The following SPG11 variants were observed in gnomAD, a reference collection of about 807,000 sequenced individuals.
SPG11 encodes spatacsin.
In SPG11, 222 loss-of-function variants were observed where a neutral mutation model predicts 274.0. The observed-to-expected ratio is 0.81, with a 90% CI of 0.73 to 0.91. SPG11 has a LOEUF of 0.91. SPG11 is among the 40% of genes least tolerant of loss of function. The pLI is 0.00. For synonymous variants in SPG11, 1,144 were observed against 1,039.7 expected, an observed-to-expected ratio of 1.10 and a Z score of -1.93; for missense variants, 3,114 against 2,872.7, an observed-to-expected ratio of 1.08 and a Z score of -1.92.
rs779544691 is a variant in SPG11, at chr15:44,584,236, T to C, written c.5444A>G (p.Gln1815Arg). The change falls in exon 30 of 40, where the codon CAG becomes CGG. Residue 1815 changes from glutamine to arginine, a missense_variant. Transcript: ENST00000261866. The stretch of plus-strand genomic sequence containing the variant: ...AGAAAATCTGGGCTCTGTTTCCTCC[T>C]GATTTCTTCCAAGAGTGTGCTGGGT... ...RITQHTLGRNQEETEPRFSRQ... is the reference protein window; with the variant it reads ...RITQHTLGRNREETEPRFSRQ... The C allele has an allele frequency of 1.2e-6, 2 of 1,614,244 alleles. No individual in the cohort carries two copies. Among genetic ancestry groups the C allele is most frequent in the African/African-American group, 1.3e-5 (1 of 75,068 alleles).
rs2083974551 is a variant in SPG11 at position 44,628,780 on chromosome 15, G to C, written c.1956C>G (p.Thr652=). The C allele has an allele frequency of 6.2e-7, 1 of 1,613,640 alleles. No homozygotes were observed. The highest frequency in any genetic ancestry group is 8.5e-7 in the Non-Finnish European group (1 of 1,179,890). Residue 652 remains threonine (T), a synonymous_variant, in exon 10 of 40, where the codon ACC becomes ACG. Transcript: ENST00000261866. ...ILTSYINELR[T]FMIKFPWKLT... Reference sequence around the variant, plus strand: ...GCTTCCAAGGAAACTTTATCATGAAGGTTCGAAGTTCATTAATGTAGCTAG... The same window carrying C: ...GCTTCCAAGGAAACTTTATCATGAACGTTCGAAGTTCATTAATGTAGCTAG...
intron 21 of SPG11, among the ~76,000 whole-genome samples, chr15:44,599,174 T>C (rs757841396): frequency 9.9e-5 from 15 of 152,138 alleles, no homozygotes; most frequent in Non-Finnish European, 1.9e-4. Flanking sequence ...GTATACAAAC[T>C]ACGAAGAATA....
intron 7 of SPG11, 42 bp downstream of exon 7, chr15:44,648,823 AC>A (rs750038487): frequency 1.0e-5 from 16 of 1,599,980 alleles, no homozygotes; most frequent in Non-Finnish European, 1.3e-5. Flanking sequence ...AGTATATAAC[AC>A]AAAATAATTA....
rs1306125865 is a variant in SPG11 at position 44,633,515 on chromosome 15, T to C, written c.1725A>G (p.Leu575=). Residue 575 remains leucine (L), a synonymous_variant, in exon 8 of 40, where the codon TTA becomes TTG. Coordinates refer to ENST00000261866, the MANE Select transcript of SPG11 (RefSeq NM_025137.4). ...CTTTATTCCACTTACTTCTTAAATA[T>C]AAATGGGATGACAAGTGATCAAACT... ...SDQFDHLSSH[L]YLRNVEELIP... The C allele has an allele frequency of 6.3e-7, 1 of 1,596,150 alleles. No homozygotes were observed. The highest frequency in any genetic ancestry group is 8.6e-7 in the Non-Finnish European group (1 of 1,166,780).
chr15:44,611,222 A>T (rs2083454168), intron 17 of SPG11, among the ~76,000 whole-genome samples: 1 of 152,264 alleles, frequency 6.6e-6, no homozygotes, highest in South Asian at 2.1e-4. Context: ...TTAAAAGGTA[A>T]CAATGAACTG....
At position 44,628,805 on chromosome 15, in the gene SPG11, G is replaced by A; in HGVS notation, c.1931C>T (p.Thr644Ile). ...GGTTCGAAGTTCATTAATGTAGCTAGTCAAAATGTTCACTCCTTTTTGCAG... is the reference window on the plus strand; with the variant it reads ...GGTTCGAAGTTCATTAATGTAGCTAATCAAAATGTTCACTCCTTTTTGCAG... ...EHLQKGVNIL[T>I]SYINELRTFM... Residue 644 changes from threonine (T) to isoleucine (I), a missense_variant, in exon 10 of 40, where the codon ACT becomes ATT. By Grantham distance (89) the Thr-to-Ile change is moderately conservative. Transcript: ENST00000261866. The A allele has an allele frequency of 6.2e-7, 1 of 1,613,564 alleles. No individual in the cohort carries two copies. The highest frequency in any genetic ancestry group is 8.5e-7 in the Non-Finnish European group (1 of 1,179,950).
In SPG11 at chr15:44,565,882, C is replaced by T; in HGVS notation, c.6971G>A (p.Cys2324Tyr). 1 of 1,614,110 alleles carries T rather than the reference C, an allele frequency of 6.2e-7. No homozygotes were observed. The highest frequency in any genetic ancestry group is 1.1e-5 in the South Asian group (1 of 91,054). Reference sequence around the variant, plus strand: ...GTAGAACCGAGGTAGGGCCAGAATACAGTCCATCAGCTTGTGGCGGCCCAA... The same window carrying T: ...GTAGAACCGAGGTAGGGCCAGAATATAGTCCATCAGCTTGTGGCGGCCCAA... ...INLGRHKLMD[C>Y]ILALPRFYQA... is the part of the protein sequence containing the mutation. The change falls in exon 38 of 40, where the codon TGT becomes TAT. Residue 2324 changes from cysteine to tyrosine, a missense_variant. Physicochemically the swap from Cys to Tyr is radical, Grantham distance 194 (BLOSUM62 -2). Coordinates refer to ENST00000261866, the MANE Select transcript of SPG11 (RefSeq NM_025137.4).
At chr15:44,583,020 G>A (rs528322492) in intron 30 of SPG11, among the ~76,000 whole-genome samples, 1 of 152,260 alleles carries the variant, frequency 6.6e-6, no homozygotes, top group East Asian at 1.9e-4. Flanking sequence ...GGCCTAGTCA[G>A]TGCAATAAAG....
Position 44,652,157 on chromosome 15 carries a change from G to A in SPG11, c.979C>T (p.Leu327=), listed in dbSNP as rs146109825. The change falls in exon 5 of 40, where the codon CTG becomes TTG. Residue 327 remains leucine (L), a synonymous_variant. Coordinates refer to ENST00000261866, the MANE Select transcript of SPG11 (RefSeq NM_025137.4). Reference sequence around the variant, plus strand: ...TCAATTTGGAAGGAAAACTTGGCCAGTTTCATGTTGTAGGCAGAGTTAACA... The same window carrying A: ...TCAATTTGGAAGGAAAACTTGGCCAATTTCATGTTGTAGGCAGAGTTAACA... ...DPVNSAYNMK[L]AKFSFQIDRS... is the part of the protein sequence containing the mutation. 2 of 1,614,046 alleles carry A rather than the reference G, an allele frequency of 1.2e-6. No homozygotes were observed. The highest frequency in any genetic ancestry group is 2.2e-5 in the East Asian group (1 of 44,886).
chr15:44,612,681 C>A (rs2083491537), intron 17 of SPG11, among the ~76,000 whole-genome samples: 1 of 152,170 alleles, frequency 6.6e-6, no homozygotes. Flanking sequence ...CAGGTGTGAG[C>A]CACCACACCT....
intron 4 of SPG11, among the ~76,000 whole-genome samples, chr15:44,655,932 A>G (rs774523375): frequency 1.3e-5 from 2 of 152,248 alleles, no homozygotes; most frequent in South Asian, 2.1e-4. Flanking sequence ...CTTTCTTAAA[A>G]TATCTTACTG....
rs768303307 is a variant in SPG11, at chr15:44,583,984, C to T, written c.5696G>A (p.Arg1899Gln). The change falls in exon 30 of 40, where the codon CGG becomes CAG. Residue 1899 changes from arginine (R) to glutamine (Q), a missense_variant. By Grantham distance (43) the Arg-to-Gln change is conservative. Coordinates refer to ENST00000261866, the MANE Select transcript of SPG11 (RefSeq NM_025137.4). ...ATCTGGATTATAAAAATGAAAATAC[C>T]GGCATACTCTACTTGCTTCATGCAC... ...GCVHEASRVC[R>Q]YFHFYNPDVA... The T allele has an allele frequency of 1.9e-5, 31 of 1,614,052 alleles. No individual in the cohort carries two copies. The highest frequency in any genetic ancestry group is 4.0e-5 in the African/African-American group (3 of 74,916).
At chr15:44,575,079 G>C (rs758649284) in intron 30 of SPG11, 38 bp from the exon 31 acceptor site, 6 of 1,612,002 alleles carry the variant, frequency 3.7e-6, no homozygotes, top group Non-Finnish European at 4.2e-6. Flanking sequence ...TCTAAGCTGG[G>C]AGGTTCTGGC....
At position 44,585,846 on chromosome 15, in the gene SPG11, TGGACCTGTGCCAAAGAGAAAA is replaced by T; in HGVS notation, c.4907-17_4910del. ...AAAGGATGCAAAGCTTTTTCACATC[TGGACCTGTGCCAAAGAGAAAA>T]GGATATAAACATTTAGTCAATAAAA... On this transcript the variant is annotated splice_acceptor_variant and splice_polypyrimidine_tract_variant and coding_sequence_variant and intron_variant, in exon 29 of 40. Coordinates refer to ENST00000261866, the MANE Select transcript of SPG11 (RefSeq NM_025137.4). LOFTEE classifies it high-confidence loss of function. 6.2e-7 allele frequency: 1 copy of T among 1,613,902 alleles called. No homozygotes were observed. Among genetic ancestry groups the T allele is most frequent in the Non-Finnish European group, 8.5e-7 (1 of 1,179,846 alleles).
intron 7 of SPG11, among the ~76,000 whole-genome samples, chr15:44,647,897 T>C (rs1165457545): frequency 2.6e-5 from 4 of 152,204 alleles, no homozygotes; most frequent in African/African-American, 4.8e-5. Context: ...GTGAATTTTA[T>C]GGGTATGTGA....
At chr15:44,589,710 G>A (rs1047883023) in intron 27 of SPG11, among the ~76,000 whole-genome samples, 1 of 152,212 alleles carries the variant, frequency 6.6e-6, no homozygotes, top group Non-Finnish European at 1.5e-5. Context: ...GCTAACTACA[G>A]AGTTAATGTA....
chr15:44,624,317 G>C (rs2083836563), intron 11 of SPG11, among the ~76,000 whole-genome samples: 1 of 149,952 alleles, frequency 6.7e-6, no homozygotes, highest in Non-Finnish European at 1.5e-5. Context: ...GTGAGACCCT[G>C]TCTCTACAAA....
At position 44,579,998 on chromosome 15, in the gene SPG11, CACTT is replaced by C. The variant is rs77631007; in HGVS notation, c.5866+3812_5866+3815del. Among the ~76,000 whole-genome samples, 2,148 of 152,178 alleles carry C rather than the reference CACTT, an allele frequency of 0.014. 135 individuals carry two copies. The East Asian group carries it at 0.16, about 11-fold the overall frequency. ...GTCCTAAGTTTTCACATTTACTTACCACTTAGTGACAACCAGAGCAACTTCTAGT... is the reference window on the plus strand; with the variant it reads ...GTCCTAAGTTTTCACATTTACTTACCAGTGACAACCAGAGCAACTTCTAGT... On this transcript the variant is annotated intron_variant, in intron 30 of 39. Coordinates refer to ENST00000261866, the MANE Select transcript of SPG11 (RefSeq NM_025137.4).
intron 4 of SPG11, among the ~76,000 whole-genome samples, chr15:44,653,672 AG>A (rs1021927306): frequency 1.1e-4 from 16 of 152,210 alleles, no homozygotes; most frequent in Non-Finnish European, 1.2e-4. Context: ...TTTAGGAGAC[AG>A]AAAGGGTAGG....
Sources: allele counts gnomAD v4.1 joint callset (sites outside exome capture counted in the v4.1 genomes callset), GRCh38; gene constraint gnomAD v4.1.1; transcripts MANE v1.5; gene names NCBI Gene and HGNC (gene_info 2026-07-23, HGNC 2026-07-21).